SH3RF2: variants seen among roughly 807,000 people sequenced by gnomAD.
SH3RF2 encodes E3 ubiquitin-protein ligase SH3RF2.
Under a neutral mutation model 59.0 loss-of-function variants are expected in SH3RF2, and 43 were observed. That is an observed-to-expected ratio of 0.73 (90% confidence interval 0.57 to 0.94). The LOEUF (loss-of-function observed/expected upper bound fraction) is 0.94, where lower values mean the gene tolerates loss of function less well. Ranked by LOEUF, SH3RF2 falls within the 40% of genes least tolerant of loss-of-function variation. The pLI is 0.00. For synonymous variants in SH3RF2, 391 were observed against 391.5 expected (o/e 1.00, Z 0.01); for missense variants, 930 against 940.1 (o/e 0.99, Z 0.14).
At chr5:146,049,430 C>T (rs989474336) in intron 7 of SH3RF2, among the ~76,000 whole-genome samples, 185 bp downstream of exon 7, 1 of 152,266 alleles carries the variant, frequency 6.6e-6, no homozygotes, top group African/African-American at 2.4e-5. Flanking sequence ...TTTTCGTAGC[C>T]CTTCACAGCT....
chr5:146,056,077 A>G lies in SH3RF2; in HGVS notation c.1419A>G (p.Glu473=). The G allele has an allele frequency of 6.2e-7, 1 of 1,614,256 alleles. No homozygotes were observed. The highest frequency in any genetic ancestry group is 8.5e-7 in the Non-Finnish European group (1 of 1,180,052). The change falls in exon 8 of 10, where the codon GAA becomes GAG. Residue 473 remains glutamate, a synonymous_variant. Transcript: ENST00000359120. ...SSVSSQGSIS[E]GDPRQSRPFK... is the part of the protein sequence containing the mutation. ...TGTCCTCCCAAGGCAGCATTTCAGA[A>G]GGTGATCCACGGCAAAGCCGTCCCT...
chr5:145,994,602 C>T (rs72818452), intron 2 of SH3RF2, among the ~76,000 whole-genome samples: 5,437 of 152,260 alleles, frequency 0.036, 120 homozygotes, highest in Non-Finnish European at 0.049. Context: ...ATACACCCAT[C>T]AGATCTCATG....
At chr5:146,006,103 A>C (rs1395548301) in intron 4 of SH3RF2, among the ~76,000 whole-genome samples, 1 of 152,174 alleles carries the variant, frequency 6.6e-6, no homozygotes, top group East Asian at 1.9e-4. Context: ...AAAGTATTCC[A>C]GTAATTGCAA....
chr5:145,993,416 A>G lies in SH3RF2; in HGVS notation c.379-6642A>G, dbSNP rs1038500200. Among the ~76,000 whole-genome samples, 4 of 152,206 alleles carry G rather than the reference A, an allele frequency of 2.6e-5. No individual in the cohort carries two copies. In the East Asian group the frequency reaches 7.7e-4, roughly 29 times the overall value. On this transcript the variant is annotated intron_variant, in intron 2 of 9. Transcript: ENST00000359120. ...CTCTGTGGGGGGGCTCTGACCTCAC[A>G]TTTTCCTTCTGCATTGCCCTAGCAG...
chr5:146,079,433 A>T (rs543449279), exon 10 of SH3RF2: 1 of 152,248 alleles, frequency 6.6e-6, no homozygotes, highest in East Asian at 1.9e-4. Flanking sequence ...CTCTTAAGAC[A>T]TCAATAAGAA....
chr5:146,064,701 A>G (rs1270715467), downstream of SH3RF2, among the ~76,000 whole-genome samples: 170 of 15,696 alleles, frequency 0.011, 35 homozygotes, highest in African/African-American at 0.027. Context: ...AAAGAAAGAA[A>G]GAAAGAAAGA....
Position 146,036,930 on chromosome 5 carries a change from C to T in SH3RF2, c.1060-10842C>T, listed in dbSNP as rs1761956141. Among the ~76,000 whole-genome samples the T allele has an allele frequency of 1.3e-5, 2 of 152,188 alleles. 1 individual carries two copies. Among genetic ancestry groups the T allele is most frequent in the South Asian group, 4.1e-4 (2 of 4,836 alleles). On this transcript the variant is annotated intron_variant, in intron 5 of 9. Transcript: ENST00000359120. ...AAGAAAGACTCCTAAATACATGTCC[C>T]CACACTTGGGCTAAGCCACCCCTCA...
chr5:146,065,154 A>C (rs1052689334), downstream of SH3RF2, among the ~76,000 whole-genome samples: 16 of 152,294 alleles, frequency 1.1e-4, no homozygotes, highest in African/African-American at 3.9e-4. Context: ...TTGGGTCCAC[A>C]TCTCACAAAC....
At position 146,062,653 on chromosome 5, in the gene SH3RF2, C is replaced by T; in HGVS notation, c.2142C>T (p.Thr714=). The T allele has an allele frequency of 6.2e-7, 1 of 1,614,186 alleles. No individual in the cohort carries two copies. Among genetic ancestry groups the T allele is most frequent in the Non-Finnish European group, 8.5e-7 (1 of 1,180,018 alleles). The stretch of plus-strand genomic sequence containing the variant: ...AGTCAGCTCTTGGCAAGGCCACAAC[C>T]CTGGTGTCCACTGCCTCAGGCACGC... ...RRKSALGKAT[T]LVSTASGTQT... is the part of the protein sequence containing the mutation. Residue 714 remains threonine (T), a synonymous_variant, in exon 10 of 10, where the codon ACC becomes ACT. Coordinates refer to ENST00000359120, the MANE Select transcript of SH3RF2 (RefSeq NM_152550.4).
Position 146,000,249 on chromosome 5 carries a change from G to A in SH3RF2, c.570G>A (p.Pro190=), listed in dbSNP as rs199761760. Residue 190 remains proline (P), a synonymous_variant, in exon 3 of 10, where the codon CCG becomes CCA. Transcript: ENST00000359120. ...EVIKQLPQPP[P]LCRALYNFDL... is the part of the protein sequence containing the mutation. ...TCAAGCAGCTGCCCCAGCCGCCCCC[G>A]CTCTGCAGGGCCCTCTACAACTTCG... 4.0e-5 allele frequency: 65 copies of A among 1,613,866 alleles called. No individual in the cohort carries two copies. In the African/African-American group the frequency reaches 7.2e-4, roughly 18 times the overall value.
intron 2 of SH3RF2, among the ~76,000 whole-genome samples, chr5:145,945,029 C>G (rs537309451): frequency 1.3e-5 from 2 of 152,220 alleles, no homozygotes; most frequent in South Asian, 4.2e-4. Context: ...ACCAACTAGT[C>G]AGTATACCTG....
chr5:145,963,101 G>T (rs1758697281), intron 2 of SH3RF2, among the ~76,000 whole-genome samples: 1 of 151,676 alleles, frequency 6.6e-6, no homozygotes. Context: ...GTTTCACCAT[G>T]TTCGCCTGGA....
intron 2 of SH3RF2, among the ~76,000 whole-genome samples, chr5:145,959,820 C>T (rs971527072): frequency 6.6e-6 from 1 of 152,010 alleles, no homozygotes; most frequent in Non-Finnish European, 1.5e-5. Context: ...CCTTTGTCCC[C>T]CTTCTATTGC....
At chr5:146,055,055 G>A (rs1227151841) in intron 7 of SH3RF2, among the ~76,000 whole-genome samples, 3 of 152,206 alleles carry the variant, frequency 2.0e-5, no homozygotes, top group African/African-American at 4.8e-5. Flanking sequence ...CAGTGGATAA[G>A]GGATTGTTGT....
intron 2 of SH3RF2, among the ~76,000 whole-genome samples, chr5:145,944,069 C>A (rs915789844): frequency 6.6e-6 from 1 of 152,144 alleles, no homozygotes; most frequent in Admixed American, 6.5e-5. Context: ...TTAGCTGGGA[C>A]CAGCTCAGAT....
intron 2 of SH3RF2, 86 bp from the exon 3 acceptor site, chr5:145,999,972 A>C: frequency 1.3e-6 from 2 of 1,503,944 alleles, no homozygotes; most frequent in Non-Finnish European, 1.8e-6. Flanking sequence ...GTTAAAGCAA[A>C]GTACAATAAA....
chr5:145,954,937 C>T (rs1296564871), intron 2 of SH3RF2, among the ~76,000 whole-genome samples: 1 of 151,590 alleles, frequency 6.6e-6, no homozygotes, highest in Non-Finnish European at 1.5e-5. Flanking sequence ...TTTTAAATGA[C>T]CAGAGGTGGG....
chr5:146,006,920 C>A (rs1434892577), intron 4 of SH3RF2, among the ~76,000 whole-genome samples: 1 of 152,142 alleles, frequency 6.6e-6, no homozygotes, highest in Non-Finnish European at 1.5e-5. Flanking sequence ...TCCTAGTTTC[C>A]ACAGTAGGGA....
At chr5:146,006,362 A>G (rs1238634209) in intron 4 of SH3RF2, among the ~76,000 whole-genome samples, 2 of 152,174 alleles carry the variant, frequency 1.3e-5, no homozygotes, top group African/African-American at 2.4e-5. Flanking sequence ...TCGTGGCTAC[A>G]GTGAGCCGTG....
Sources: gnomAD v4.1 joint callset for allele counts (sites outside exome capture counted in the v4.1 genomes callset) on GRCh38, gnomAD v4.1.1 for gene constraint, MANE v1.5 for transcripts, NCBI Gene and HGNC (gene_info 2026-07-23, HGNC 2026-07-21) for gene names.